GAS2: variants seen among roughly 807,000 people sequenced by gnomAD.
GAS2 encodes growth arrest specific 2.
In GAS2, 20 loss-of-function variants were observed where a neutral mutation model predicts 37.5. The observed-to-expected ratio is 0.53, with a 90% CI of 0.37 to 0.77. The LOEUF (loss-of-function observed/expected upper bound fraction) is 0.77. Among genes scored for constraint, GAS2 ranks in the 30% least tolerant of loss-of-function variants. GAS2 has a pLI of 0.00. For synonymous variants in GAS2, 144 were observed against 132.2 expected (o/e 1.09, Z -0.61); for missense variants, 336 against 373.4 (o/e 0.90, Z 0.82).
intron 1 of GAS2, among the ~76,000 whole-genome samples, chr11:22,630,282 G>C (rs184395926): frequency 3.3e-5 from 5 of 152,134 alleles, no homozygotes; most frequent in Non-Finnish European, 5.9e-5. Flanking sequence ...CCACCTATGA[G>C]TGAGAACATG....
intron 3 of GAS2, among the ~76,000 whole-genome samples, chr11:22,712,124 C>A (rs1360956807): frequency 6.6e-6 from 1 of 152,212 alleles, no homozygotes; most frequent in Non-Finnish European, 1.5e-5. Context: ...CATAACAGAA[C>A]AACCCTGCTT....
At chr11:22,789,437 T>A (rs71455013) in intron 7 of GAS2, among the ~76,000 whole-genome samples, 28,295 of 85,948 alleles carry the variant, frequency 0.33, 7,842 homozygotes, top group South Asian at 0.53. Flanking sequence ...TATATATATA[T>A]ATATATATAT....
At chr11:22,797,057 G>C (rs925531589) in intron 7 of GAS2, among the ~76,000 whole-genome samples, 2 of 151,924 alleles carry the variant, frequency 1.3e-5, no homozygotes, top group African/African-American at 4.8e-5. Flanking sequence ...TTATGACTTT[G>C]TCTTCTCTGT....
At chr11:22,749,595 A>G (rs1853618787) in intron 6 of GAS2, among the ~76,000 whole-genome samples, 2 of 152,182 alleles carry the variant, frequency 1.3e-5, no homozygotes, top group African/African-American at 4.8e-5. Flanking sequence ...GTCTGAAAAC[A>G]AGATCTTGAG....
chr11:22,691,022 C>T (rs1850223173), intron 3 of GAS2, among the ~76,000 whole-genome samples: 2 of 151,998 alleles, frequency 1.3e-5, no homozygotes, highest in African/African-American at 2.4e-5. Context: ...TTTTGAGTCT[C>T]TTCTTCAGAC....
At chr11:22,719,215 A>G (rs1257673468) in intron 3 of GAS2, among the ~76,000 whole-genome samples, 3 of 152,052 alleles carry the variant, frequency 2.0e-5, no homozygotes, top group Non-Finnish European at 4.4e-5. Flanking sequence ...ATTATGTGAT[A>G]CATTGTTATT....
At chr11:22,676,591 G>T (rs1332310331) in intron 2 of GAS2, among the ~76,000 whole-genome samples, 3 of 152,076 alleles carry the variant, frequency 2.0e-5, no homozygotes, top group Admixed American at 2.0e-4. Context: ...TTTTAGGGCT[G>T]CTGTGGCAGT....
intron 4 of GAS2, among the ~76,000 whole-genome samples, chr11:22,729,635 C>T (rs1028715466): frequency 1.3e-5 from 2 of 151,386 alleles, no homozygotes; most frequent in African/African-American, 4.8e-5. Flanking sequence ...GATGAAGAAC[C>T]TATTTGCAAA....
chr11:22,671,918 C>T (rs1197057621), intron 1 of GAS2, among the ~76,000 whole-genome samples: 1 of 152,088 alleles, frequency 6.6e-6, no homozygotes, highest in Non-Finnish European at 1.5e-5. Flanking sequence ...AAATCTAAAT[C>T]CAAGACCTGC....
intron 1 of GAS2, among the ~76,000 whole-genome samples, chr11:22,634,965 T>C (rs1468295203): frequency 2.6e-5 from 4 of 152,184 alleles, no homozygotes; most frequent in Admixed American, 2.6e-4. Context: ...CTAACTGAGG[T>C]CATCCAAAAG....
intron 2 of GAS2, among the ~76,000 whole-genome samples, chr11:22,681,989 A>T (rs1424342255): frequency 6.6e-6 from 1 of 152,044 alleles, no homozygotes; most frequent in Admixed American, 6.6e-5. Context: ...TTGGAAGGAA[A>T]ATATGTTACA....
chr11:22,789,479 T>TTTTTTTA (rs1856027127), intron 7 of GAS2, among the ~76,000 whole-genome samples: 1 of 123,750 alleles, frequency 8.1e-6, no homozygotes, highest in African/African-American at 2.9e-5. Flanking sequence ...TTTTTTTTTT[T>TTTTTTTA]GAGGCAGAGT....
chr11:22,712,864 G>A (rs1851474075), intron 3 of GAS2, among the ~76,000 whole-genome samples: 1 of 151,980 alleles, frequency 6.6e-6, no homozygotes, highest in East Asian at 1.9e-4. Context: ...ATCACTTGAA[G>A]TCAGGAGTTC....
chr11:22,626,165 G>C (rs747744278), intron 1 of GAS2: 10 of 347,982 alleles, frequency 2.9e-5, no homozygotes, highest in Non-Finnish European at 5.6e-5. Flanking sequence ...CCTAAAACTA[G>C]AATCTGTGTT....
chr11:22,726,471 G>A (rs373091034), intron 4 of GAS2, 38 bp downstream of exon 4: 148 of 1,566,962 alleles, frequency 9.4e-5, no homozygotes, highest in Admixed American at 3.8e-4. Flanking sequence ...GATAAGATAC[G>A]CAAATTATCT....
chr11:22,674,525 C>T (rs191264861), intron 1 of GAS2, among the ~76,000 whole-genome samples: 127 of 152,328 alleles, frequency 8.3e-4, no homozygotes, highest in Non-Finnish European at 1.2e-3. Flanking sequence ...TGGGCACTAA[C>T]ATTTTAACTT....
rs1852228259 is a variant in GAS2 at position 22,726,567 on chromosome 11, A to G, written c.409+134A>G. 29 of 734,738 alleles carry G rather than the reference A, an allele frequency of 3.9e-5. No individual in the cohort carries two copies. In the East Asian group the frequency reaches 7.9e-4, roughly 20 times the overall value. The allele number at this position is 734,738 out of a possible 1,614,324, so 45.5% of individuals were successfully genotyped here. A position where few individuals can be genotyped will look rare whatever the true frequency, so the allele number is the denominator to read the frequency against. ...TAGCTTAAAAAGTCTGAGTTTGTTG[A>G]AATCTTGCAGGTTTGCTGCTAACTT... On this transcript the variant is annotated intron_variant, in intron 4 of 7. Coordinates refer to ENST00000454584, the MANE Select transcript of GAS2 (RefSeq NM_001143830.3).
chr11:22,656,210 G>A (rs1301306528), intron 1 of GAS2, among the ~76,000 whole-genome samples: 1 of 152,036 alleles, frequency 6.6e-6, no homozygotes, highest in Non-Finnish European at 1.5e-5. Context: ...TTATATTTTG[G>A]GGGTTTAAAC....
intron 1 of GAS2, among the ~76,000 whole-genome samples, chr11:22,655,739 C>T (rs1848847172): frequency 6.6e-6 from 1 of 152,168 alleles, no homozygotes; most frequent in African/African-American, 2.4e-5. Flanking sequence ...TGTCTTGTCT[C>T]CTCATTCAGC....
Sources: gnomAD v4.1 joint callset for allele counts (sites outside exome capture counted in the v4.1 genomes callset) on GRCh38, gnomAD v4.1.1 for gene constraint, MANE v1.5 for transcripts, NCBI Gene and HGNC (gene_info 2026-07-23, HGNC 2026-07-21) for gene names.